The following CAMK1D variants were observed in gnomAD, a reference collection of about 807,000 sequenced individuals.
CAMK1D encodes the protein calcium/calmodulin dependent protein kinase ID.
Under a neutral mutation model 47.7 loss-of-function variants are expected in CAMK1D, and 9 were observed. The observed-to-expected ratio is 0.19, with a 90% CI of 0.11 to 0.33. The LOEUF is 0.33. Among genes scored for constraint, CAMK1D ranks in the 10% least tolerant of loss-of-function variants. CAMK1D has a pLI of 1.00. For synonymous variants in CAMK1D, 184 were observed against 184.9 expected (o/e 0.99, Z 0.04); for missense variants, 291 against 488.7 (o/e 0.60, Z 3.81).
intron 5 of CAMK1D, among the ~76,000 whole-genome samples, chr10:12,787,734 GC>G (rs1477866482): frequency 6.6e-6 from 1 of 152,226 alleles, no homozygotes; most frequent in African/African-American, 2.4e-5. Context: ...GGGCGCGGTG[GC>G]TCACGCCTGT....
At chr10:12,672,901 T>TTTTTTTTTGTTTTGTTTTTTTTTTG (rs1428716127) in intron 3 of CAMK1D, among the ~76,000 whole-genome samples, 1 of 147,064 alleles carries the variant, frequency 6.8e-6, no homozygotes, top group Non-Finnish European at 1.5e-5. Context: ...CTTGCCTTTT[T>TTTTTTTTTGTTTTGTTTTTTTTTTG]TTTTTTTTTT....
chr10:12,610,423 C>G (rs1838585429), intron 2 of CAMK1D, among the ~76,000 whole-genome samples: 1 of 152,166 alleles, frequency 6.6e-6, no homozygotes. Flanking sequence ...ATGGTGCTGT[C>G]TCCTCCCCCT....
rs984781133 is a variant in CAMK1D at position 12,427,134 on chromosome 10, T to G, written c.92+77224T>G. ...CAAAGTCCTGGCATGCTGTAGATGT[T>G]TCTCAGGACAACTGGGCATCACTGG... On this transcript the variant is annotated intron_variant, in intron 1 of 10. Transcript: ENST00000619168. 2.6e-5 allele frequency among the ~76,000 whole-genome samples: 4 copies of G among 152,174 alleles called. No homozygotes were observed. The South Asian group carries it at 8.3e-4, about 32-fold the overall frequency.
intron 1 of CAMK1D, among the ~76,000 whole-genome samples, chr10:12,551,629 T>C (rs1303127750): frequency 6.6e-6 from 1 of 152,038 alleles, no homozygotes; most frequent in African/African-American, 2.4e-5. Flanking sequence ...TCCCAGCTCC[T>C]CAGGAAGCTG....
At chr10:12,646,363 A>T (rs1031232841) in intron 2 of CAMK1D, among the ~76,000 whole-genome samples, 1 of 152,224 alleles carries the variant, frequency 6.6e-6, no homozygotes, top group Non-Finnish European at 1.5e-5. Context: ...GTATTATTAT[A>T]ATATTACAGA....
intron 3 of CAMK1D, among the ~76,000 whole-genome samples, chr10:12,712,699 AT>A (rs541457261): frequency 2.0e-3 from 308 of 152,218 alleles, no homozygotes; most frequent in Admixed American, 5.6e-3. Flanking sequence ...TCCTAATACC[AT>A]CATACTGGGG....
chr10:12,588,879 T>TGTGC (rs1489074930), intron 2 of CAMK1D, among the ~76,000 whole-genome samples: 1 of 145,196 alleles, frequency 6.9e-6, no homozygotes, highest in Admixed American at 6.7e-5. Flanking sequence ...TGTGTGTGTG[T>TGTGC]GTGTGCGTGC....
intron 1 of CAMK1D, among the ~76,000 whole-genome samples, chr10:12,493,745 C>T (rs1834457398): frequency 1.3e-5 from 2 of 152,176 alleles, no homozygotes; most frequent in South Asian, 4.1e-4. Context: ...CTGCCTGCCT[C>T]AACCTCCCAA....
chr10:12,427,410 G>A (rs1276058346), intron 1 of CAMK1D, among the ~76,000 whole-genome samples: 1 of 152,120 alleles, frequency 6.6e-6, no homozygotes, highest in African/African-American at 2.4e-5. Flanking sequence ...AGAATCCGCC[G>A]ATCTCTCTCC....
chr10:12,801,354 T>TATCTAATC (rs57429397), intron 6 of CAMK1D, among the ~76,000 whole-genome samples: 39 of 66,568 alleles, frequency 5.9e-4, no homozygotes, highest in East Asian at 2.0e-3. Flanking sequence ...TCTATCTATC[T>TATCTAATC]TATCTATCTA....
chr10:12,789,185 A>C (rs73576022), intron 5 of CAMK1D, among the ~76,000 whole-genome samples: 34,090 of 152,080 alleles, frequency 0.22, 4,024 homozygotes, highest in Middle Eastern at 0.28. Flanking sequence ...AAATTCGTAA[A>C]TTTTCTTAAA....
intron 3 of CAMK1D, among the ~76,000 whole-genome samples, chr10:12,686,708 T>C (rs1832679458): frequency 6.6e-6 from 1 of 152,150 alleles, no homozygotes; most frequent in African/African-American, 2.4e-5. Context: ...GAGGAATATA[T>C]AGAAAACTGC....
intron 3 of CAMK1D, among the ~76,000 whole-genome samples, chr10:12,675,317 A>G (rs10795974): frequency 0.45 from 67,702 of 152,006 alleles, 15,657 homozygotes; most frequent in Non-Finnish European, 0.48. Context: ...TGTATATCCA[A>G]CTGTCTTCTC....
At chr10:12,435,098 C>T (rs542064190) in intron 1 of CAMK1D, among the ~76,000 whole-genome samples, 2 of 151,738 alleles carry the variant, frequency 1.3e-5, no homozygotes, top group African/African-American at 4.8e-5. Flanking sequence ...GTGTGGGTGC[C>T]TGTAATCCCA....
intron 2 of CAMK1D, among the ~76,000 whole-genome samples, chr10:12,652,624 T>C (rs1840010112): frequency 6.6e-6 from 1 of 152,030 alleles, no homozygotes; most frequent in African/African-American, 2.4e-5. Context: ...AGGTGAATAG[T>C]AACGAGTTTA....
At position 12,547,682 on chromosome 10, in the gene CAMK1D, T is replaced by TCTCTCTCTCACACACACACA. The variant is rs10643491; in HGVS notation, c.93-5542_93-5541insTCTCTCTCACACACACACAC. 5.1e-5 allele frequency among the ~76,000 whole-genome samples: 6 copies of TCTCTCTCTCACACACACACA among 116,572 alleles called. 1 individual carries two copies. The highest frequency in any genetic ancestry group is 2.2e-4 in the African/African-American group (6 of 26,920). 76.5% of individuals were successfully genotyped at this position (116,572 alleles called of 152,430 possible). The stretch of plus-strand genomic sequence containing the variant: ...CACTCTCTCTCTCTCTTTCTCTCTC[T>TCTCTCTCTCACACACACACA]CACACACACACACACACACCACTGT... On this transcript the variant is annotated intron_variant, in intron 1 of 10. Transcript: ENST00000619168.
chr10:12,719,840 C>T (rs948978963), intron 3 of CAMK1D, among the ~76,000 whole-genome samples: 4 of 152,140 alleles, frequency 2.6e-5, no homozygotes, highest in Admixed American at 6.5e-5. Flanking sequence ...AATTGCTCAT[C>T]GCATCCCAGC....
Position 12,447,643 on chromosome 10 carries a change from A to T in CAMK1D, c.92+97733A>T, listed in dbSNP as rs1217032699. On this transcript the variant is annotated intron_variant, in intron 1 of 10. Transcript: ENST00000619168. ...CCTGAGCCTGAGAGGTTGGGACTGA[A>T]GTAAGCCAAGATTGTGCCACAGCAT... Among the ~76,000 whole-genome samples, 6 of 152,314 alleles carry T rather than the reference A, an allele frequency of 3.9e-5. No homozygotes were observed. In the East Asian group the frequency reaches 1.2e-3, roughly 29 times the overall value.
At chr10:12,571,453 CAA>C (rs766454210) in intron 2 of CAMK1D, among the ~76,000 whole-genome samples, 4 of 89,748 alleles carry the variant, frequency 4.5e-5, no homozygotes, top group Non-Finnish European at 4.2e-5. Context: ...GACTCCATCA[CAA>C]AAAAAAAAAA....
Sources: allele counts gnomAD v4.1 joint callset (sites outside exome capture counted in the v4.1 genomes callset), GRCh38; gene constraint gnomAD v4.1.1; transcripts MANE v1.5; gene names NCBI Gene and HGNC (gene_info 2026-07-23, HGNC 2026-07-21).